PGM3: variants seen among roughly 807,000 people sequenced by gnomAD.
PGM3 encodes the protein phosphoacetylglucosamine mutase.
A neutral mutation model predicts 66.2 loss-of-function variants in PGM3; 40 were observed. The observed-to-expected ratio is 0.60, with a 90% CI of 0.47 to 0.79. The LOEUF (loss-of-function observed/expected upper bound fraction) is 0.79. Among genes scored for constraint, PGM3 ranks in the 30% least tolerant of loss-of-function variants. The probability of loss-of-function intolerance (pLI) is 0.00; values close to 1 mark genes in which losing one functional copy is unlikely to be tolerated. For synonymous variants in PGM3, 191 were observed against 224.2 expected (o/e 0.85, Z 1.32); for missense variants, 537 against 643.4 (o/e 0.83, Z 1.79).
rs1788690209 is a variant in PGM3 at position 83,187,741 on chromosome 6, G to A, written c.390-666C>T. Among the ~76,000 whole-genome samples, 8 of 152,196 alleles carry A rather than the reference G, an allele frequency of 5.3e-5. No individual in the cohort carries two copies. The South Asian group carries it at 1.5e-3, about 28-fold the overall frequency. On this transcript the variant is annotated intron_variant, in intron 3 of 12. Coordinates refer to ENST00000513973, the MANE Select transcript of PGM3 (RefSeq NM_015599.3). ...ATCACTTGACCCTGGGAGTCAGAGG[G>A]TGCAATGAGCCAAGACTGTGCCACT...
intron 2 of PGM3, among the ~76,000 whole-genome samples, chr6:83,190,079 T>C (rs1788933136): frequency 6.6e-6 from 1 of 151,694 alleles, no homozygotes. Context: ...CTATAGTTCA[T>C]AATAATATAT....
intron 9 of PGM3, among the ~76,000 whole-genome samples, chr6:83,175,535 G>A (rs1387897317): frequency 2.0e-5 from 3 of 152,102 alleles, no homozygotes; most frequent in African/African-American, 7.2e-5. Context: ...GTAATTTTAT[G>A]TAAAATGTAA....
At chr6:83,154,086 A>G in the PGM3 span, 2 of 1,613,136 alleles carry the variant, frequency 1.2e-6, no homozygotes, top group Non-Finnish European at 1.7e-6. Flanking sequence ...TGCACCTCAC[A>G]GTCTGATGAA....
At chr6:83,177,028 C>G (rs1384899834) in intron 8 of PGM3, among the ~76,000 whole-genome samples, 2 of 152,162 alleles carry the variant, frequency 1.3e-5, no homozygotes, top group African/African-American at 2.4e-5. Context: ...TGCCCAGCCA[C>G]TGTTTCTTTT....
At position 83,169,015 on chromosome 6, in the gene PGM3, G is replaced by A. The variant is rs183067035; in HGVS notation, c.*219C>T. 2 of 1,345,314 alleles carry A rather than the reference G, an allele frequency of 1.5e-6. No individual in the cohort carries two copies. Among genetic ancestry groups the A allele is most frequent in the East Asian group, 5.7e-5 (2 of 35,156 alleles). 83.3% of individuals were successfully genotyped at this position (1,345,314 alleles called of 1,614,324 possible). Reference sequence around the variant, plus strand: ...ACTTAAGTCCCAGTATTTTACATTAGTGAGACTGAAATTAGAGGTAAATTT... The same window carrying A: ...ACTTAAGTCCCAGTATTTTACATTAATGAGACTGAAATTAGAGGTAAATTT... On this transcript the variant is annotated 3_prime_UTR_variant, in exon 13 of 13. Coordinates refer to ENST00000513973, the MANE Select transcript of PGM3 (RefSeq NM_015599.3).
intron 12 of PGM3, chr6:83,169,970 A>G: frequency 2.6e-6 from 1 of 384,372 alleles, no homozygotes; most frequent in Non-Finnish European, 4.9e-6. Context: ...TCATGTCACA[A>G]GAGTATATTT....
In PGM3 at chr6:83,168,024, T is replaced by A. The variant is rs1405136736; in HGVS notation, c.*1210A>T. On this transcript the variant is annotated 3_prime_UTR_variant, in exon 13 of 13. Transcript: ENST00000513973. ...AGTCACAAGCCGATGTGGAGGACAC[T>A]CAGGGAGTCCTATCCTCTACTCAAA... is the stretch of plus-strand genomic sequence containing the variant. 1 of 1,614,122 alleles carries A rather than the reference T, an allele frequency of 6.2e-7. No individual in the cohort carries two copies. Among genetic ancestry groups the A allele is most frequent in the Admixed American group, 1.7e-5 (1 of 60,006 alleles).
Position 83,168,149 on chromosome 6 carries a change from AG to A in PGM3, c.*1084del, listed in dbSNP as rs761252438. On this transcript the variant is annotated 3_prime_UTR_variant, in exon 13 of 13. Coordinates refer to ENST00000513973, the MANE Select transcript of PGM3 (RefSeq NM_015599.3). ...AGATGGTAGAAAAAGATTTTCTGGA[AG>A]GGATGATAAAAACTTGAGCACCATT... The A allele has an allele frequency of 6.2e-7, 1 of 1,612,290 alleles. No individual in the cohort carries two copies.
Position 83,166,925 on chromosome 6 carries a change from C to T in PGM3, c.*2309G>A. On this transcript the variant is annotated 3_prime_UTR_variant, in exon 13 of 13. Transcript: ENST00000513973. ...CATGATTTCTTCCTTCTGTCTAGTT[C>T]ATTGCTTATTTTCATTCTTTAGTGT... 3 of 987,408 alleles carry T rather than the reference C, an allele frequency of 3.0e-6. No homozygotes were observed. The highest frequency in any genetic ancestry group is 3.6e-6 in the Non-Finnish European group (3 of 831,348). 61.2% of individuals were successfully genotyped at this position (987,408 alleles called of 1,614,324 possible).
rs1220513039 is a variant in PGM3, at chr6:83,165,128, A to G, written c.*4106T>C. On this transcript the variant is annotated 3_prime_UTR_variant, in exon 13 of 13. Coordinates refer to ENST00000513973, the MANE Select transcript of PGM3 (RefSeq NM_015599.3). ...ACAAAGTCATCTCTGTACGCCCTTTATTGTTGAATTGCAGTTTGATTTAGG... is the reference window on the plus strand; with the variant it reads ...ACAAAGTCATCTCTGTACGCCCTTTGTTGTTGAATTGCAGTTTGATTTAGG... 6.4e-6 allele frequency: 1 copy of G among 157,160 alleles called. No homozygotes were observed. Among genetic ancestry groups the G allele is most frequent in the Admixed American group, 6.2e-5 (1 of 16,014 alleles). 9.7% of individuals were successfully genotyped at this position (157,160 alleles called of 1,614,324 possible).
At chr6:83,173,680 A>C (rs1180051228) in intron 10 of PGM3, among the ~76,000 whole-genome samples, 1 of 152,094 alleles carries the variant, frequency 6.6e-6, no homozygotes, top group Non-Finnish European at 1.5e-5. Flanking sequence ...CCATAGCCAA[A>C]CGACACTCCA....
At chr6:83,190,544 C>A in intron 2 of PGM3, 2 of 442,656 alleles carry the variant, frequency 4.5e-6, no homozygotes, top group Non-Finnish European at 4.0e-6. Context: ...TGTCTTAAAT[C>A]AATAAATTTG....
intron 4 of PGM3, among the ~76,000 whole-genome samples, chr6:83,185,042 C>A (rs1193617614): frequency 2.0e-5 from 3 of 152,194 alleles, no homozygotes; most frequent in African/African-American, 7.2e-5. Flanking sequence ...TTTTTCTAGA[C>A]TAAAACACTA....
chr6:83,156,871 G>A (rs930414661), downstream of PGM3, among the ~76,000 whole-genome samples: 2 of 143,720 alleles, frequency 1.4e-5, no homozygotes, highest in Admixed American at 6.9e-5. Flanking sequence ...GCTACTCAAA[G>A]TATGGTCCAT....
intron 10 of PGM3, 43 bp from the exon 11 acceptor site, chr6:83,172,102 C>A: frequency 6.2e-7 from 1 of 1,605,844 alleles, no homozygotes; most frequent in Non-Finnish European, 8.5e-7. Context: ...TTAACACAAG[C>A]AAATCTTGGA....
At chr6:83,187,493 T>G (rs1448503627) in intron 3 of PGM3, among the ~76,000 whole-genome samples, 8 of 152,154 alleles carry the variant, frequency 5.3e-5, no homozygotes, top group African/African-American at 7.2e-5. Context: ...TCAGAACAAA[T>G]TATCTATCTG....
intron 12 of PGM3, chr6:83,169,718 G>A: frequency 2.2e-6 from 1 of 459,080 alleles, no homozygotes; most frequent in South Asian, 1.5e-5. Flanking sequence ...CAGGAAAGCT[G>A]CCAAATGTCT....
chr6:83,166,521 T>C lies in PGM3; in HGVS notation c.*2713A>G, dbSNP rs1785671572. On this transcript the variant is annotated 3_prime_UTR_variant, in exon 13 of 13. Transcript: ENST00000513973. ...TGATTTTTGTCTAACATCATTTCCA[T>C]AGTCTAAAATAAATATAAACAGCAA... 8.8e-6 allele frequency: 6 copies of C among 680,872 alleles called. No homozygotes were observed. The highest frequency in any genetic ancestry group is 1.6e-5 in the Non-Finnish European group (6 of 378,106). The allele number at this position is 680,872 out of a possible 1,614,324, so 42.2% of individuals were successfully genotyped here.
At chr6:83,151,924 T>C in the PGM3 span, 1 of 1,613,852 alleles carries the variant, frequency 6.2e-7, no homozygotes, top group Non-Finnish European at 8.5e-7. Context: ...GTGCAATTGC[T>C]GGTTCTTCTC....
Sources: gnomAD v4.1 joint callset for allele counts (sites outside exome capture counted in the v4.1 genomes callset) on GRCh38, gnomAD v4.1.1 for gene constraint, MANE v1.5 for transcripts, NCBI Gene and HGNC (gene_info 2026-07-23, HGNC 2026-07-21) for gene names.